ZFP91: variants seen among roughly 807,000 people sequenced by gnomAD.
ZFP91 encodes ZFP91 zinc finger protein, atypical E3 ubiquitin ligase.
Under a neutral mutation model 63.5 loss-of-function variants are expected in ZFP91, and 7 were observed. That is an observed-to-expected ratio of 0.11 (90% CI 0.06 to 0.21). ZFP91 has a LOEUF of 0.21. Ranked by LOEUF, ZFP91 falls within the 10% of genes least tolerant of loss-of-function variation. The pLI is 1.00. For missense variants in ZFP91, 628 were observed against 736.6 expected, an observed-to-expected ratio of 0.85 and a Z score of 1.71; for synonymous variants, 330 against 272.1, an observed-to-expected ratio of 1.21 and a Z score of -2.10.
chr11:58,582,767 G>T (rs546271222), intron 1 of ZFP91, among the ~76,000 whole-genome samples: 153 of 152,234 alleles, frequency 1.0e-3, no homozygotes, highest in Non-Finnish European at 1.7e-3. Flanking sequence ...TTAGCTTACA[G>T]TTTTTATAAT....
chr11:58,584,564 T>C (rs780481379), intron 1 of ZFP91, among the ~76,000 whole-genome samples: 1 of 152,168 alleles, frequency 6.6e-6, no homozygotes, highest in Non-Finnish European at 1.5e-5. Flanking sequence ...TTGAATGATA[T>C]TCTAGCTCTG....
chr11:58,614,172 T>G, intron 8 of ZFP91, 57 bp from the exon 9 acceptor site: 1 of 1,134,002 alleles, frequency 8.8e-7, no homozygotes, highest in Non-Finnish European at 1.3e-6. Flanking sequence ...CAAAGACAAG[T>G]ACTTTCAGGA....
chr11:58,610,198 A>T, intron 3 of ZFP91, 100 bp from the exon 4 acceptor site: 1 of 1,442,840 alleles, frequency 6.9e-7, no homozygotes. Context: ...CTTTTGTATA[A>T]TTACCCCATG....
chr11:58,584,820 GAT>G, intron 1 of ZFP91, 34 bp from the exon 2 acceptor site: 2 of 1,517,106 alleles, frequency 1.3e-6, no homozygotes, highest in Non-Finnish European at 1.8e-6. Flanking sequence ...AAATGTGCTA[GAT>G]TGTTCATTAA....
At chr11:58,591,598 A>T (rs987772863) in intron 2 of ZFP91, among the ~76,000 whole-genome samples, 3 of 152,098 alleles carry the variant, frequency 2.0e-5, no homozygotes, top group African/African-American at 7.2e-5. Flanking sequence ...GTTAATCCGT[A>T]TTCTCACCCC....
Position 58,614,640 on chromosome 11 carries a change from T to C in ZFP91, c.1102+297T>C, listed in dbSNP as rs560548101. Among the ~76,000 whole-genome samples the C allele has an allele frequency of 2.0e-5, 3 of 152,292 alleles. No individual in the cohort carries two copies. The South Asian group carries it at 6.2e-4, about 32-fold the overall frequency. On this transcript the variant is annotated intron_variant, in intron 9 of 10. Coordinates refer to ENST00000316059, the MANE Select transcript of ZFP91 (RefSeq NM_053023.5). The stretch of plus-strand genomic sequence containing the variant: ...CGTTATGTATATTATTGCTAATTAG[T>C]CTATTCAACACCACTAAATTTGTTT...
intron 2 of ZFP91, among the ~76,000 whole-genome samples, chr11:58,602,100 C>T (rs747498720): frequency 2.0e-5 from 3 of 151,894 alleles, no homozygotes; most frequent in Non-Finnish European, 4.4e-5. Context: ...TTTTTGTATT[C>T]TTAGTAGAGA....
intron 5 of ZFP91, 103 bp from the exon 6 acceptor site, chr11:58,611,501 T>A (rs1855661687): frequency 7.2e-7 from 1 of 1,384,618 alleles, no homozygotes; most frequent in East Asian, 2.3e-5. Flanking sequence ...CTGAGGAAGG[T>A]AGTTTTATAA....
chr11:58,590,458 C>T (rs953630740), intron 2 of ZFP91, among the ~76,000 whole-genome samples: 1 of 152,138 alleles, frequency 6.6e-6, no homozygotes, highest in African/African-American at 2.4e-5. Flanking sequence ...GGTTGTGGCG[C>T]AGTGTTCCAA....
At chr11:58,592,854 A>G (rs1238227521) in intron 2 of ZFP91, among the ~76,000 whole-genome samples, 1 of 152,190 alleles carries the variant, frequency 6.6e-6, no homozygotes, top group Non-Finnish European at 1.5e-5. Context: ...TGCAGGCTGT[A>G]CAAGCATGGC....
intron 1 of ZFP91, 98 bp downstream of exon 1, chr11:58,579,720 G>A (rs955824138): frequency 4.1e-6 from 5 of 1,208,064 alleles, no homozygotes; most frequent in South Asian, 1.7e-5. Flanking sequence ...CATCCTGCCT[G>A]GTCTGCCCCC....
chr11:58,583,746 A>G (rs1414560307), intron 1 of ZFP91, among the ~76,000 whole-genome samples: 4 of 152,122 alleles, frequency 2.6e-5, no homozygotes, highest in African/African-American at 9.6e-5. Flanking sequence ...TTAAAATAAA[A>G]TTATAATACC....
At chr11:58,580,878 C>T (rs1487327813) in intron 1 of ZFP91, among the ~76,000 whole-genome samples, 1 of 152,174 alleles carries the variant, frequency 6.6e-6, no homozygotes, top group Non-Finnish European at 1.5e-5. Context: ...TGCAATTAGA[C>T]TTCTAATTGC....
At chr11:58,607,612 A>C (rs1182626502) in intron 2 of ZFP91, among the ~76,000 whole-genome samples, 3 of 152,180 alleles carry the variant, frequency 2.0e-5, no homozygotes, top group Non-Finnish European at 4.4e-5. Flanking sequence ...TTTCAAACTA[A>C]TTTCATTACT....
At chr11:58,615,156 T>C (rs891359182) in intron 9 of ZFP91, among the ~76,000 whole-genome samples, 2 of 152,214 alleles carry the variant, frequency 1.3e-5, no homozygotes, top group African/African-American at 4.8e-5. Context: ...TATCAGTTAT[T>C]GTAGGGATGA....
At chr11:58,592,930 G>A (rs763199138) in intron 2 of ZFP91, among the ~76,000 whole-genome samples, 4 of 152,128 alleles carry the variant, frequency 2.6e-5, no homozygotes, top group African/African-American at 4.8e-5. Flanking sequence ...AGGTGGAGGT[G>A]GAGCAGGTGT....
At chr11:58,583,772 A>T (rs989154949) in intron 1 of ZFP91, among the ~76,000 whole-genome samples, 2 of 152,122 alleles carry the variant, frequency 1.3e-5, no homozygotes, top group East Asian at 3.8e-4. Context: ...TTTTTAAAAA[A>T]GTATGGAACA....
chr11:58,596,567 C>T (rs1214368234), intron 2 of ZFP91, among the ~76,000 whole-genome samples: 3 of 152,136 alleles, frequency 2.0e-5, no homozygotes, highest in African/African-American at 7.2e-5. Context: ...TCTTTCTGAT[C>T]GTCTGGCCCC....
chr11:58,580,714 C>T (rs980724470), intron 1 of ZFP91, among the ~76,000 whole-genome samples: 21 of 152,248 alleles, frequency 1.4e-4, no homozygotes, highest in African/African-American at 4.3e-4. Flanking sequence ...TTAGAAGCCT[C>T]TCAGAAAGAG....
Sources: gnomAD v4.1 joint callset for allele counts (sites outside exome capture counted in the v4.1 genomes callset) on GRCh38, gnomAD v4.1.1 for gene constraint, MANE v1.5 for transcripts, NCBI Gene and HGNC (gene_info 2026-07-23, HGNC 2026-07-21) for gene names.